The following ZNF407 variants were observed in gnomAD, a reference collection of about 807,000 sequenced individuals.
The protein encoded by ZNF407 is zinc finger protein 407.
A neutral mutation model predicts 131.2 loss-of-function variants in ZNF407; 17 were observed. The ratio of observed to expected loss-of-function variants is 0.13; its 90% CI spans 0.09 to 0.19. ZNF407 has a LOEUF of 0.19. Ranked by LOEUF, ZNF407 falls within the 10% of genes least tolerant of loss-of-function variation. The pLI is 1.00. For synonymous variants in ZNF407, 1,156 were observed against 1,062.0 expected (o/e 1.09, Z -1.72); for missense variants, 2,681 against 2,830.6 (o/e 0.95, Z 1.20).
intron 3 of ZNF407, among the ~76,000 whole-genome samples, chr18:74,693,717 G>C (rs998315738): frequency 6.6e-6 from 1 of 151,866 alleles, no homozygotes; most frequent in Admixed American, 6.5e-5. Context: ...TGTGTTCATC[G>C]TGCTTGAGGT....
intron 1 of ZNF407, among the ~76,000 whole-genome samples, chr18:74,618,848 A>T (rs1983414789): frequency 6.6e-6 from 1 of 152,238 alleles, no homozygotes; most frequent in Non-Finnish European, 1.5e-5. Flanking sequence ...TCTCTTTTCT[A>T]AATATACTTA....
chr18:74,900,547 A>G (rs1013116499), intron 7 of ZNF407, among the ~76,000 whole-genome samples: 1 of 152,230 alleles, frequency 6.6e-6, no homozygotes, highest in Admixed American at 6.5e-5. Flanking sequence ...CTAACAGTTT[A>G]GTGTAATCAT....
intron 4 of ZNF407, among the ~76,000 whole-genome samples, chr18:74,835,255 A>G (rs574885444): frequency 2.0e-5 from 3 of 152,328 alleles, no homozygotes; most frequent in East Asian, 3.9e-4. Flanking sequence ...GGAGACTCAC[A>G]TACCAGGTCC....
intron 8 of ZNF407, among the ~76,000 whole-genome samples, chr18:75,025,220 A>T (rs1973157680): frequency 6.6e-6 from 1 of 152,226 alleles, no homozygotes. Flanking sequence ...CAGAAATAGC[A>T]CGTTTCTAGA....
At chr18:74,846,320 T>C (rs1272229354) in intron 4 of ZNF407, among the ~76,000 whole-genome samples, 3 of 151,992 alleles carry the variant, frequency 2.0e-5, no homozygotes, top group Non-Finnish European at 4.4e-5. Context: ...TTTCTAACAA[T>C]GTCTGAACTG....
chr18:74,795,961 C>T (rs751034245), intron 4 of ZNF407, among the ~76,000 whole-genome samples: 7 of 152,236 alleles, frequency 4.6e-5, no homozygotes, highest in Non-Finnish European at 8.8e-5. Flanking sequence ...CGCGCACACA[C>T]GCACACGTGC....
At chr18:74,768,523 A>G (rs1283641606) in intron 3 of ZNF407, among the ~76,000 whole-genome samples, 5 of 152,198 alleles carry the variant, frequency 3.3e-5, no homozygotes, top group South Asian at 2.1e-4. Flanking sequence ...CATTTAATCA[A>G]TAAGGACAAT....
At chr18:74,852,797 A>G (rs1970807973) in intron 4 of ZNF407, among the ~76,000 whole-genome samples, 1 of 152,234 alleles carries the variant, frequency 6.6e-6, no homozygotes. Flanking sequence ...TTCATAAAAA[A>G]TCAATTGCAA....
Position 75,040,352 on chromosome 18 carries a change from A to G in ZNF407, c.5429-22798A>G, listed in dbSNP as rs567010913. Among the ~76,000 whole-genome samples the G allele has an allele frequency of 7.2e-5, 11 of 152,310 alleles. No homozygotes were observed. The East Asian group carries it at 2.1e-3, about 29-fold the overall frequency. On this transcript the variant is annotated intron_variant, in intron 8 of 8. Coordinates refer to ENST00000299687, the MANE Select transcript of ZNF407 (RefSeq NM_017757.3). Reference sequence around the variant, plus strand: ...GTCATATAACGAGAACTTTATTTCAATTGAGTGGCTACGGGTTGATTCCCC... The same window carrying G: ...GTCATATAACGAGAACTTTATTTCAGTTGAGTGGCTACGGGTTGATTCCCC...
intron 4 of ZNF407, among the ~76,000 whole-genome samples, chr18:74,818,864 G>GT (rs1491308539): frequency 1.1e-4 from 3 of 28,520 alleles, no homozygotes; most frequent in Non-Finnish European, 4.1e-4. Flanking sequence ...CCATTGAACA[G>GT]TAAAAAAAAA....
intron 1 of ZNF407, among the ~76,000 whole-genome samples, chr18:74,617,075 A>G (rs1366966850): frequency 8.2e-4 from 23 of 28,112 alleles, no homozygotes; most frequent in Admixed American, 1.9e-3. Context: ...CCATATCCAC[A>G]CACATCCATA....
At chr18:74,714,687 A>G (rs575857247) in intron 3 of ZNF407, among the ~76,000 whole-genome samples, 2 of 152,208 alleles carry the variant, frequency 1.3e-5, no homozygotes, top group Non-Finnish European at 2.9e-5. Flanking sequence ...AAAATTTTTT[A>G]TGATTATTAG....
chr18:75,041,196 T>C (rs1309171309), intron 8 of ZNF407, among the ~76,000 whole-genome samples: 1 of 152,240 alleles, frequency 6.6e-6, no homozygotes, highest in African/African-American at 2.4e-5. Context: ...TGGCTAAACG[T>C]AGATTTTAAG....
intron 3 of ZNF407, among the ~76,000 whole-genome samples, chr18:74,693,079 A>G (rs1967267059): frequency 6.6e-6 from 1 of 152,182 alleles, no homozygotes; most frequent in Admixed American, 6.5e-5. Context: ...GTTGGCTTTT[A>G]ACAGTTTGTT....
At chr18:75,062,048 A>C (rs1490222861) in intron 8 of ZNF407, 2 of 152,224 alleles carry the variant, frequency 1.3e-5, no homozygotes, top group Non-Finnish European at 1.5e-5. Context: ...GCCTTGGGCA[A>C]CCTGCTCTGT....
intron 3 of ZNF407, among the ~76,000 whole-genome samples, chr18:74,772,269 C>T (rs1969378206): frequency 6.6e-6 from 1 of 152,128 alleles, no homozygotes; most frequent in Non-Finnish European, 1.5e-5. Flanking sequence ...ACATCTGTAA[C>T]TATAAGCAAT....
intron 3 of ZNF407, among the ~76,000 whole-genome samples, chr18:74,732,055 GTTTTC>G (rs1197233027): frequency 1.3e-5 from 2 of 152,074 alleles, no homozygotes; most frequent in East Asian, 3.8e-4. Context: ...ACCTAGGTAG[GTTTTC>G]AGTTATATCA....
intron 3 of ZNF407, among the ~76,000 whole-genome samples, chr18:74,755,859 C>CCCTTCCTT (rs1175591869): frequency 5.3e-5 from 6 of 114,246 alleles, no homozygotes; most frequent in Admixed American, 9.4e-5. Flanking sequence ...CTCCCTTCCT[C>CCCTTCCTT]CCTTCCTTCC....
chr18:74,845,362 T>G (rs1227000901), intron 4 of ZNF407, among the ~76,000 whole-genome samples: 2 of 152,220 alleles, frequency 1.3e-5, no homozygotes, highest in Non-Finnish European at 2.9e-5. Context: ...ATAGCGAGAA[T>G]TAGCTTCTAC....
Sources: gnomAD v4.1 joint callset for allele counts (sites outside exome capture counted in the v4.1 genomes callset) on GRCh38, gnomAD v4.1.1 for gene constraint, MANE v1.5 for transcripts, NCBI Gene and HGNC (gene_info 2026-07-23, HGNC 2026-07-21) for gene names.